HHAT: variants seen among roughly 807,000 people sequenced by gnomAD.
HHAT encodes hedgehog acyltransferase, also known as protein-cysteine N-palmitoyltransferase HHAT.
HHAT carries 47 observed loss-of-function variants against 70.8 expected under a neutral mutation model. The ratio of observed to expected loss-of-function variants is 0.66; its 90% CI spans 0.53 to 0.85. The LOEUF (loss-of-function observed/expected upper bound fraction) is 0.85, where lower values mean the gene tolerates loss of function less well. Among genes scored for constraint, HHAT ranks in the 40% least tolerant of loss-of-function variants. The pLI is 0.00. For missense variants in HHAT, 609 were observed against 604.8 expected (o/e 1.01, Z -0.07); for synonymous variants, 228 against 247.6 (o/e 0.92, Z 0.74).
Position 210,632,215 on chromosome 1 carries a change from G to GT in HHAT, c.1390+8546dup, listed in dbSNP as rs575801244. On this transcript the variant is annotated intron_variant, in intron 11 of 11. Coordinates refer to ENST00000261458, the MANE Select transcript of HHAT (RefSeq NM_018194.6). ...GTCCTAACCACCAGTACTTCAAAAT[G>GT]TGACCTTATTTGGAAATAGGGTCTT... Among the ~76,000 whole-genome samples the GT allele has an allele frequency of 1.0e-3, 153 of 152,324 alleles. 1 individual carries two copies. Among genetic ancestry groups the GT allele is most frequent in the African/African-American group, 3.5e-3 (145 of 41,566 alleles).
chr1:210,412,538 G>C (rs1214276927), intron 6 of HHAT, among the ~76,000 whole-genome samples: 1 of 152,146 alleles, frequency 6.6e-6, no homozygotes, highest in Non-Finnish European at 1.5e-5. Context: ...AATTCCAAAA[G>C]GTAGAAATTG....
chr1:210,551,302 C>A (rs2095525862), intron 9 of HHAT, among the ~76,000 whole-genome samples: 1 of 149,040 alleles, frequency 6.7e-6, no homozygotes, highest in African/African-American at 2.5e-5. Context: ...ATCCTTAGCA[C>A]CCCCGACCCA....
intron 7 of HHAT, among the ~76,000 whole-genome samples, chr1:210,424,454 G>C (rs1010189063): frequency 6.9e-5 from 10 of 145,440 alleles, no homozygotes; most frequent in Admixed American, 6.2e-4. Flanking sequence ...TTAACTCTCT[G>C]TGTTCAGGGG....
intron 10 of HHAT, among the ~76,000 whole-genome samples, chr1:210,612,444 T>C (rs1666795202): frequency 6.6e-6 from 1 of 152,196 alleles, no homozygotes; most frequent in Admixed American, 6.5e-5. Flanking sequence ...CTTAGCATAA[T>C]GTCTTCAGAG....
chr1:210,546,351 A>T (rs2095483394), intron 9 of HHAT, among the ~76,000 whole-genome samples: 1 of 152,252 alleles, frequency 6.6e-6, no homozygotes, highest in African/African-American at 2.4e-5. Flanking sequence ...AAGCCATGAA[A>T]CATTTCAGGG....
At position 210,443,351 on chromosome 1, in the gene HHAT, C is replaced by T. The variant is rs565821016; in HGVS notation, c.857-21154C>T. Among the ~76,000 whole-genome samples, 65 of 151,260 alleles carry T rather than the reference C, an allele frequency of 4.3e-4. 2 individuals carry two copies. In the South Asian group the frequency reaches 7.2e-3, roughly 17 times the overall value. On this transcript the variant is annotated intron_variant, in intron 7 of 11. Coordinates refer to ENST00000261458, the MANE Select transcript of HHAT (RefSeq NM_018194.6). ...GGGCTCTTTTTTGGTTCCTTATGAA[C>T]TTTAAAGTAGTTTTTTCCAATTCTG...
At chr1:210,362,967 A>G in intron 3 of HHAT, 48 bp downstream of exon 3, 4 of 1,364,090 alleles carry the variant, frequency 2.9e-6, no homozygotes, top group South Asian at 1.2e-5. Context: ...CCTGATTTCA[A>G]TATTTCACAT....
intron 9 of HHAT, among the ~76,000 whole-genome samples, chr1:210,535,062 G>A (rs2095356463): frequency 6.6e-6 from 1 of 150,788 alleles, no homozygotes; most frequent in South Asian, 2.1e-4. Context: ...ACCAGCCTCT[G>A]CTTTTTGTAG....
chr1:210,560,814 TAAAAAAA>T (rs60192211), intron 9 of HHAT, among the ~76,000 whole-genome samples: 193 of 28,458 alleles, frequency 6.8e-3, no homozygotes, highest in Non-Finnish European at 0.016. Context: ...CCCTGTGTCT[TAAAAAAA>T]AAAAAAAAAA....
intron 2 of HHAT, among the ~76,000 whole-genome samples, chr1:210,359,872 CAAAA>C (rs138163269): frequency 2.0e-5 from 3 of 148,150 alleles, no homozygotes; most frequent in Admixed American, 6.7e-5. Flanking sequence ...TGGGAAAAAA[CAAAA>C]AAAAAACCCA....
intron 11 of HHAT, among the ~76,000 whole-genome samples, chr1:210,670,879 AT>A (rs145248605): frequency 0.025 from 3,869 of 152,252 alleles, 54 homozygotes; most frequent in Middle Eastern, 0.041. Flanking sequence ...CATTGTGTAG[AT>A]GGGGAAACTG....
chr1:210,384,362 C>T (rs184221907), intron 3 of HHAT, among the ~76,000 whole-genome samples: 51 of 152,158 alleles, frequency 3.4e-4, no homozygotes, highest in Admixed American at 1.2e-3. Context: ...GGGAATGGTA[C>T]GGGGCGGGCT....
At chr1:210,404,906 C>CT (rs374883711) in intron 6 of HHAT, among the ~76,000 whole-genome samples, 1 of 152,152 alleles carries the variant, frequency 6.6e-6, no homozygotes, top group East Asian at 1.9e-4. Context: ...GGGGTCCCAC[C>CT]TTGATTTTCA....
At chr1:210,513,132 G>A in intron 8 of HHAT, 21 bp from the exon 9 acceptor site, 1 of 1,457,386 alleles carries the variant, frequency 6.9e-7, no homozygotes. Flanking sequence ...TGATATGCTT[G>A]TCTATGTCTC....
At chr1:210,400,318 G>A in intron 4 of HHAT, 150 bp from the exon 5 acceptor site, 1 of 691,080 alleles carries the variant, frequency 1.4e-6, no homozygotes, top group Non-Finnish European at 2.3e-6. Context: ...AATTCCCAGG[G>A]CAGTGATAAG....
intron 8 of HHAT, among the ~76,000 whole-genome samples, chr1:210,510,911 G>A (rs1211395441): frequency 6.6e-6 from 1 of 152,172 alleles, no homozygotes; most frequent in African/African-American, 2.4e-5. Flanking sequence ...CCGGAATAGA[G>A]TCTGTTGGTC....
chr1:210,386,215 T>G, intron 3 of HHAT, among the ~76,000 whole-genome samples: 1 of 141,388 alleles, frequency 7.1e-6, no homozygotes, highest in African/African-American at 2.6e-5. Context: ...ATTGCAGGAG[T>G]CCTTTTCTTT....
chr1:210,571,503 A>G (rs559783678), intron 9 of HHAT, among the ~76,000 whole-genome samples: 2 of 152,180 alleles, frequency 1.3e-5, no homozygotes, highest in East Asian at 1.9e-4. Context: ...GTATCCCCAC[A>G]CTCAGGACCT....
chr1:210,474,487 A>G (rs2094268214), intron 8 of HHAT, among the ~76,000 whole-genome samples: 1 of 152,058 alleles, frequency 6.6e-6, no homozygotes, highest in South Asian at 2.1e-4. Flanking sequence ...GTTTAACTTA[A>G]TTTTTTATTT....
Sources: allele counts gnomAD v4.1 joint callset (sites outside exome capture counted in the v4.1 genomes callset), GRCh38; gene constraint gnomAD v4.1.1; transcripts MANE v1.5; gene names NCBI Gene and HGNC (gene_info 2026-07-23, HGNC 2026-07-21).